Variants in XPO6 observed in about 807,000 individuals in gnomAD.
XPO6 encodes the protein exportin-6.
XPO6 carries 3 observed loss-of-function variants against 130.0 expected under a neutral mutation model. The observed-to-expected ratio is 0.02, with a 90% CI of 0.01 to 0.06. The LOEUF (loss-of-function observed/expected upper bound fraction) is 0.06, where lower values mean the gene tolerates loss of function less well. XPO6 is among the 10% of genes least tolerant of loss of function. The pLI is 1.00. For synonymous variants in XPO6, 524 were observed against 548.9 expected, an observed-to-expected ratio of 0.95 and a Z score of 0.63; for missense variants, 970 against 1,393.0, an observed-to-expected ratio of 0.70 and a Z score of 4.83.
chr16:28,099,135 C>T (rs1417307525), intron 23 of XPO6, among the ~76,000 whole-genome samples: 2 of 152,018 alleles, frequency 1.3e-5, no homozygotes, highest in African/African-American at 4.8e-5. Flanking sequence ...AACCTTTACC[C>T]ACGGGGCTCC....
At chr16:28,180,055 C>G (rs191860164) in intron 2 of XPO6, among the ~76,000 whole-genome samples, 3 of 152,252 alleles carry the variant, frequency 2.0e-5, no homozygotes, top group Admixed American at 6.5e-5. Flanking sequence ...TCAAAGAATA[C>G]AGTAGAGTGT....
intron 1 of XPO6, among the ~76,000 whole-genome samples, chr16:28,206,358 T>A (rs991834942): frequency 6.6e-6 from 1 of 151,868 alleles, no homozygotes; most frequent in African/African-American, 2.4e-5. Context: ...CTGGACAACA[T>A]AGCAATCCCC....
chr16:28,146,157 A>C lies in XPO6; in HGVS notation c.1271T>G (p.Phe424Cys), dbSNP rs767787076. ...YFSCLDIWTL[F>C]LDYLTSKIKS... is the part of the protein sequence containing the mutation. ...AATTTTACTTGTCAGATAGTCCAAA[A>C]ACAGCGTCCAGATATCCAAACAAGA... Residue 424 changes from phenylalanine (F) to cysteine (C), a missense_variant, in exon 9 of 24, where the codon TTT (phenylalanine) becomes TGT (cysteine). Physicochemically the swap from Phe to Cys is radical, Grantham distance 205. Coordinates refer to ENST00000304658, the MANE Select transcript of XPO6 (RefSeq NM_015171.4). The C allele has an allele frequency of 6.2e-7, 1 of 1,614,162 alleles. No homozygotes were observed. Among genetic ancestry groups the C allele is most frequent in the East Asian group, 2.2e-5 (1 of 44,876 alleles).
intron 6 of XPO6, among the ~76,000 whole-genome samples, chr16:28,158,686 G>C (rs935403884): frequency 2.0e-5 from 3 of 152,134 alleles, no homozygotes; most frequent in Non-Finnish European, 4.4e-5. Flanking sequence ...CTACTCTGTG[G>C]ACCTGGACCA....
chr16:28,168,420 C>G (rs936272480), intron 5 of XPO6, among the ~76,000 whole-genome samples: 5 of 151,946 alleles, frequency 3.3e-5, no homozygotes, highest in African/African-American at 9.7e-5. Flanking sequence ...AAATCTGAGG[C>G]TGCAGTAAGC....
At chr16:28,146,272 C>T (rs1331910164) in intron 8 of XPO6, 69 bp from the exon 9 acceptor site, 3 of 1,127,672 alleles carry the variant, frequency 2.7e-6, no homozygotes, top group Non-Finnish European at 4.0e-6. Context: ...CACACACATG[C>T]CAGTGTTTAA....
At position 28,106,537 on chromosome 16, in the gene XPO6, C is replaced by T; in HGVS notation, c.2498-40G>A. 1 of 1,524,178 alleles carries T rather than the reference C, an allele frequency of 6.6e-7. No individual in the cohort carries two copies. The allele number at this position is 1,524,178 out of a possible 1,614,324, so 94.4% of individuals were successfully genotyped here. ...AGAGATATCGTCAGAGGCTTGCACACAGTGAGAACCAGAACCCTGGGCTTC... is the reference window on the plus strand; with the variant it reads ...AGAGATATCGTCAGAGGCTTGCACATAGTGAGAACCAGAACCCTGGGCTTC... On this transcript the variant is annotated intron_variant, in intron 18 of 23. Transcript: ENST00000304658. This position sits in a 1 kb window ranked among gnomAD's most constrained non-coding sequence, Gnocchi z 4.2.
chr16:28,135,430 GA>G, intron 9 of XPO6, 106 bp from the exon 10 acceptor site: 2 of 872,128 alleles, frequency 2.3e-6, no homozygotes, highest in Admixed American at 2.5e-5. Flanking sequence ...GATCACCATG[GA>G]AAAAGAGCAT....
At chr16:28,193,582 C>T (rs868589106) in intron 1 of XPO6, among the ~76,000 whole-genome samples, 18 of 152,228 alleles carry the variant, frequency 1.2e-4, no homozygotes, top group Middle Eastern at 3.4e-3. Context: ...ATTAGAAAGG[C>T]AAAACAGTGG....
At chr16:28,175,829 G>T in intron 4 of XPO6, 69 bp downstream of exon 4, 1 of 1,460,298 alleles carries the variant, frequency 6.8e-7, no homozygotes, top group Non-Finnish European at 9.5e-7. Flanking sequence ...GTCCTCTTCA[G>T]GACAAGGAAA....
chr16:28,200,103 C>A (rs2043932003), intron 1 of XPO6, among the ~76,000 whole-genome samples: 1 of 151,330 alleles, frequency 6.6e-6, no homozygotes, highest in African/African-American at 2.4e-5. Context: ...TGCAGTGAGC[C>A]AAGATCACGC....
intron 12 of XPO6, among the ~76,000 whole-genome samples, chr16:28,131,876 CT>C (rs2042676707): frequency 6.6e-6 from 1 of 152,226 alleles, no homozygotes; most frequent in South Asian, 2.1e-4. Context: ...AGCCAAAAGC[CT>C]TTTCAACCAG....
intron 16 of XPO6, 141 bp from the exon 17 acceptor site, chr16:28,112,147 C>T: frequency 1.1e-6 from 1 of 927,866 alleles, no homozygotes; most frequent in South Asian, 1.7e-5. Context: ...CTGGGCAAGG[C>T]CTTTGGTCCA....
At chr16:28,126,298 TC>T (rs1315895437) in intron 12 of XPO6, among the ~76,000 whole-genome samples, 2 of 152,146 alleles carry the variant, frequency 1.3e-5, no homozygotes, top group African/African-American at 2.4e-5. Context: ...TAGGGCCCTA[TC>T]TCAGAATGAA....
Position 28,152,686 on chromosome 16 carries a change from T to C in XPO6, c.1197A>G (p.Thr399=). The change falls in exon 8 of 24, where the codon ACA becomes ACG. Residue 399 remains threonine (T), a synonymous_variant. Coordinates refer to ENST00000304658, the MANE Select transcript of XPO6 (RefSeq NM_015171.4). The part of the protein sequence containing the change: ...YSQFPVVEFL[T]LLFKYTFHQP... ...GATGAAATGTGTACTTGAACAAAAG[T>C]GTCAAAAACTCCACCACAGGGAACT... 1 of 1,612,764 alleles carries C rather than the reference T, an allele frequency of 6.2e-7. No homozygotes were observed. Among genetic ancestry groups the C allele is most frequent in the Non-Finnish European group, 8.5e-7 (1 of 1,179,670 alleles).
intron 14 of XPO6, among the ~76,000 whole-genome samples, chr16:28,120,647 G>A (rs952733273): frequency 3.9e-5 from 6 of 152,304 alleles, no homozygotes; most frequent in Non-Finnish European, 7.3e-5. Context: ...TCTTTCTTGG[G>A]AGATGCTTTA....
intron 5 of XPO6, among the ~76,000 whole-genome samples, chr16:28,167,713 G>A (rs1207536745): frequency 4.6e-5 from 7 of 152,082 alleles, no homozygotes; most frequent in African/African-American, 1.7e-4. Flanking sequence ...TACAGAACCC[G>A]GAACATAAGG....
intron 6 of XPO6, among the ~76,000 whole-genome samples, chr16:28,157,392 T>C (rs1448463929): frequency 6.6e-6 from 1 of 151,880 alleles, no homozygotes; most frequent in Non-Finnish European, 1.5e-5. Context: ...GAGGTGGAGG[T>C]TGCAGTGAGC....
chr16:28,186,976 C>T (rs2043705931), intron 1 of XPO6, among the ~76,000 whole-genome samples: 1 of 152,122 alleles, frequency 6.6e-6, no homozygotes, highest in Non-Finnish European at 1.5e-5. Flanking sequence ...GTAAGACGGT[C>T]CCTAACTTCA....
Sources: gnomAD v4.1 joint callset for allele counts (sites outside exome capture counted in the v4.1 genomes callset) on GRCh38, gnomAD v4.1.1 for gene constraint, Gnocchi (gnomAD v3.1) non-coding constraint, MANE v1.5 for transcripts, NCBI Gene and HGNC (gene_info 2026-07-23, HGNC 2026-07-21) for gene names.